The following HS3ST5 variants were observed in gnomAD, a reference collection of about 807,000 sequenced individuals.
The protein encoded by HS3ST5 is heparan sulfate-glucosamine 3-sulfotransferase 5.
Under a neutral mutation model 25.4 loss-of-function variants are expected in HS3ST5, and 10 were observed. That is an observed-to-expected ratio of 0.39 (90% CI 0.24 to 0.67). The LOEUF (loss-of-function observed/expected upper bound fraction) is 0.67, where lower values mean the gene tolerates loss of function less well. Ranked by LOEUF, HS3ST5 falls within the 30% of genes least tolerant of loss-of-function variation. HS3ST5 has a pLI of 0.44. For synonymous variants in HS3ST5, 170 were observed against 162.4 expected, an observed-to-expected ratio of 1.05 and a Z score of -0.36; for missense variants, 324 against 420.7, an observed-to-expected ratio of 0.77 and a Z score of 2.01.
chr6:114,162,386 T>C (rs1360675461), intron 3 of HS3ST5, among the ~76,000 whole-genome samples: 1 of 152,206 alleles, frequency 6.6e-6, no homozygotes, highest in Admixed American at 6.5e-5. Flanking sequence ...GAACTATCTC[T>C]TACATTAATT....
intron 2 of HS3ST5, among the ~76,000 whole-genome samples, chr6:114,224,687 CA>C (rs903301895): frequency 2.7e-5 from 4 of 147,122 alleles, no homozygotes; most frequent in African/African-American, 1.0e-4. Context: ...TATATATATA[CA>C]TATATATATA....
intron 3 of HS3ST5, chr6:114,143,888 G>A (rs1258989248): frequency 3.9e-5 from 6 of 152,484 alleles, no homozygotes; most frequent in East Asian, 1.9e-4. Context: ...CATAGCCTCC[G>A]CCTTTCCCAA....
chr6:114,309,558 C>A (rs769321113), intron 1 of HS3ST5, among the ~76,000 whole-genome samples: 7 of 152,080 alleles, frequency 4.6e-5, no homozygotes, highest in African/African-American at 1.4e-4. Context: ...TATGGAGAAA[C>A]CCTATCTCTA....
intron 1 of HS3ST5, among the ~76,000 whole-genome samples, chr6:114,234,276 G>A (rs917135541): frequency 1.3e-5 from 2 of 149,716 alleles, no homozygotes; most frequent in South Asian, 2.1e-4. Flanking sequence ...GTTTTCACAG[G>A]GTATTAAATC....
At chr6:114,074,583 G>T (rs1246728554) in intron 3 of HS3ST5, among the ~76,000 whole-genome samples, 1 of 152,060 alleles carries the variant, frequency 6.6e-6, no homozygotes, top group Non-Finnish European at 1.5e-5. Flanking sequence ...ACAGAGGCCT[G>T]TTTTCAATTC....
At chr6:114,113,832 CT>C (rs879394046) in intron 3 of HS3ST5, among the ~76,000 whole-genome samples, 1,982 of 147,512 alleles carry the variant, frequency 0.013, 36 homozygotes, top group African/African-American at 0.044. Flanking sequence ...CTGTCAAAGT[CT>C]TTTTTTTTTA....
intron 2 of HS3ST5, among the ~76,000 whole-genome samples, chr6:114,200,046 C>A (rs1780940913): frequency 1.3e-5 from 2 of 152,090 alleles, no homozygotes; most frequent in African/African-American, 4.8e-5. Context: ...CATAGTGAAA[C>A]CCCATCTCTA....
chr6:114,250,980 G>T (rs1014925267), intron 1 of HS3ST5, among the ~76,000 whole-genome samples: 1 of 152,156 alleles, frequency 6.6e-6, no homozygotes, highest in African/African-American at 2.4e-5. Context: ...TCTACAAAAT[G>T]ACTACTATCA....
In HS3ST5 at chr6:114,059,879, T is replaced by C. The variant is rs1037782839; in HGVS notation, c.108-1689A>G. On this transcript the variant is annotated intron_variant, in intron 4 of 4. Coordinates refer to ENST00000312719, the MANE Select transcript of HS3ST5 (RefSeq NM_153612.4). The stretch of plus-strand genomic sequence containing the variant: ...AATTGAGGAGCATGGTCTTGGTCTT[T>C]GTTCTGTTTAAACAGCTATCTATCA... The C allele has an allele frequency of 2.8e-4, 43 of 152,280 alleles. 1 individual carries two copies. Among genetic ancestry groups the C allele is most frequent in the Admixed American group, 2.6e-3 (40 of 15,280 alleles). 9.4% of individuals were successfully genotyped at this position (152,280 alleles called of 1,614,324 possible).
chr6:114,103,510 GTTGAC>G (rs1268536881), intron 3 of HS3ST5, among the ~76,000 whole-genome samples: 1 of 152,044 alleles, frequency 6.6e-6, no homozygotes, highest in Non-Finnish European at 1.5e-5. Flanking sequence ...ACATCAGCTA[GTTGAC>G]TTCAGAGAAC....
intron 2 of HS3ST5, among the ~76,000 whole-genome samples, chr6:114,188,359 T>A (rs1288197731): frequency 5.3e-5 from 8 of 152,230 alleles, no homozygotes; most frequent in Non-Finnish European, 8.8e-5. Flanking sequence ...CAATTGATAG[T>A]TACATGTTTA....
chr6:114,290,927 C>G (rs1465479889), intron 1 of HS3ST5, among the ~76,000 whole-genome samples: 1 of 151,774 alleles, frequency 6.6e-6, no homozygotes, highest in East Asian at 1.9e-4. Context: ...TTGTTTCCCA[C>G]TGTTACTCCT....
intron 1 of HS3ST5, among the ~76,000 whole-genome samples, chr6:114,289,916 T>G (rs537296233): frequency 6.6e-6 from 1 of 152,278 alleles, no homozygotes; most frequent in Non-Finnish European, 1.5e-5. Context: ...CAATGGGTTA[T>G]ATAATAGTAT....
At chr6:114,174,716 C>T (rs529867705) in intron 2 of HS3ST5, among the ~76,000 whole-genome samples, 10 of 152,130 alleles carry the variant, frequency 6.6e-5, no homozygotes, top group Non-Finnish European at 7.4e-5. Context: ...AAATGCAGGC[C>T]GGGCACGGTG....
chr6:114,253,287 A>C (rs1387091893), intron 1 of HS3ST5, among the ~76,000 whole-genome samples: 2 of 152,190 alleles, frequency 1.3e-5, no homozygotes, highest in African/African-American at 4.8e-5. Context: ...AATATTAATA[A>C]GATATTTTGC....
At chr6:114,127,651 A>G (rs189224931) in intron 3 of HS3ST5, among the ~76,000 whole-genome samples, 4 of 152,298 alleles carry the variant, frequency 2.6e-5, no homozygotes, top group Admixed American at 2.0e-4. Context: ...TTAAAGCACT[A>G]TGCCTACTGA....
chr6:114,257,505 C>A (rs1307956722), intron 1 of HS3ST5, among the ~76,000 whole-genome samples: 1 of 152,114 alleles, frequency 6.6e-6, no homozygotes, highest in Non-Finnish European at 1.5e-5. Context: ...CCTAGAAAAT[C>A]TGGGTTCACC....
chr6:114,147,869 C>T (rs1447832524), intron 3 of HS3ST5, among the ~76,000 whole-genome samples: 2 of 152,190 alleles, frequency 1.3e-5, no homozygotes, highest in African/African-American at 4.8e-5. Flanking sequence ...CCATGAGCCA[C>T]CGCACCTGGC....
At chr6:114,276,782 G>A (rs1466304729) in intron 1 of HS3ST5, among the ~76,000 whole-genome samples, 1 of 151,834 alleles carries the variant, frequency 6.6e-6, no homozygotes, top group African/African-American at 2.4e-5. Context: ...GGCACAAAAG[G>A]CCTATTTTTC....
Sources: gnomAD v4.1 joint callset for allele counts (sites outside exome capture counted in the v4.1 genomes callset) on GRCh38, gnomAD v4.1.1 for gene constraint, MANE v1.5 for transcripts, NCBI Gene and HGNC (gene_info 2026-07-23, HGNC 2026-07-21) for gene names.